The following CATSPER3 variants were observed in gnomAD, a reference collection of about 807,000 sequenced individuals.
The protein encoded by CATSPER3 is cation channel sperm associated 3, also known as cation channel sperm-associated protein 3.
CATSPER3 carries 23 observed loss-of-function variants against 36.6 expected under a neutral mutation model. The ratio of observed to expected loss-of-function variants is 0.63; its 90% CI spans 0.45 to 0.89. The LOEUF (loss-of-function observed/expected upper bound fraction) is 0.89, where lower values mean the gene tolerates loss of function less well. CATSPER3 is among the 40% of genes least tolerant of loss of function. CATSPER3 has a pLI of 0.00. For synonymous variants in CATSPER3, 172 were observed against 184.1 expected (o/e 0.93, Z 0.53); for missense variants, 474 against 503.9 (o/e 0.94, Z 0.57).
chr5:134,982,162 G>A (rs1236879189), intron 2 of CATSPER3, among the ~76,000 whole-genome samples: 1 of 152,030 alleles, frequency 6.6e-6, no homozygotes, highest in African/African-American at 2.4e-5. Context: ...TTGAGAAGCA[G>A]AAAGAAAAAA....
chr5:135,008,842 T>G lies in CATSPER3; in HGVS notation c.677T>G (p.Val226Gly), dbSNP rs773927198. The change falls in exon 5 of 8, where the codon GTT becomes GGT. Residue 226 changes from valine (V) to glycine (G), a missense_variant and splice_region_variant. Physicochemically the swap from Val to Gly is moderately radical, Grantham distance 109. Transcript: ENST00000282611. Reference protein sequence around the residue: ...AFFTLFSLATVDGWTDLQKQL... With the variant: ...AFFTLFSLATGDGWTDLQKQL... Reference sequence around the variant, plus strand: ...GCATACTCTTCCCTGCCTGAGCAGGTTGATGGCTGGACAGACCTGCAGAAG... The same window carrying G: ...GCATACTCTTCCCTGCCTGAGCAGGGTGATGGCTGGACAGACCTGCAGAAG... 6.2e-7 allele frequency: 1 copy of G among 1,614,102 alleles called. No homozygotes were observed. The highest frequency in any genetic ancestry group is 8.5e-7 in the Non-Finnish European group (1 of 1,180,006).
chr5:135,006,096 T>G (rs1752082557), intron 3 of CATSPER3, among the ~76,000 whole-genome samples: 1 of 152,158 alleles, frequency 6.6e-6, no homozygotes, highest in African/African-American at 2.4e-5. Context: ...AACTTAGAAC[T>G]TCCTCAGGAG....
At chr5:134,976,258 G>A (rs867168249) in intron 2 of CATSPER3, among the ~76,000 whole-genome samples, 1 of 152,158 alleles carries the variant, frequency 6.6e-6, no homozygotes, top group Non-Finnish European at 1.5e-5. Flanking sequence ...GCTTGAGCCT[G>A]AGTGATGATC....
intron 2 of CATSPER3, among the ~76,000 whole-genome samples, chr5:134,984,733 G>C (rs974340109): frequency 6.6e-6 from 1 of 151,842 alleles, no homozygotes; most frequent in Non-Finnish European, 1.5e-5. Flanking sequence ...AAGAACTAAA[G>C]GTGTATCTAC....
At position 135,001,863 on chromosome 5, in the gene CATSPER3, C is replaced by T. The variant is rs1357846144; in HGVS notation, c.492+5351C>T. Among the ~76,000 whole-genome samples the T allele has an allele frequency of 6.6e-5, 10 of 152,220 alleles. No individual in the cohort carries two copies. The East Asian group carries it at 1.7e-3, about 26-fold the overall frequency. The stretch of plus-strand genomic sequence containing the variant: ...TTTTGAGCCTATGTGTGTCTCTGCA[C>T]GTGAGATGGGTCTCCTGAATACAGC... On this transcript the variant is annotated intron_variant, in intron 3 of 7. Transcript: ENST00000282611.
chr5:134,995,277 C>A (rs914755864), intron 2 of CATSPER3, among the ~76,000 whole-genome samples: 1 of 152,126 alleles, frequency 6.6e-6, no homozygotes, highest in African/African-American at 2.4e-5. Flanking sequence ...ACCAACCTCT[C>A]TTCATCCCCT....
chr5:134,969,817 T>A (rs1031103396), intron 1 of CATSPER3, 122 bp from the exon 2 acceptor site: 9 of 970,648 alleles, frequency 9.3e-6, no homozygotes, highest in Admixed American at 1.7e-5. Flanking sequence ...TTTAAAAGTA[T>A]ATGTAAATTT....
At chr5:135,004,003 C>T (rs992687287) in intron 3 of CATSPER3, among the ~76,000 whole-genome samples, 8 of 152,218 alleles carry the variant, frequency 5.3e-5, no homozygotes, top group African/African-American at 1.7e-4. Flanking sequence ...GAACTCAGTA[C>T]CTCAGTTGGA....
chr5:134,986,604 G>A (rs2149548498), intron 2 of CATSPER3, among the ~76,000 whole-genome samples: 1 of 151,714 alleles, frequency 6.6e-6, no homozygotes, highest in Non-Finnish European at 1.5e-5. Context: ...TAGGATTACA[G>A]GTGCATGCCA....
chr5:135,006,943 G>A (rs1752096328), intron 3 of CATSPER3, among the ~76,000 whole-genome samples: 1 of 152,070 alleles, frequency 6.6e-6, no homozygotes, highest in Admixed American at 6.5e-5. Context: ...GAGGCATCTG[G>A]TGTGCATTCA....
At chr5:135,008,746 C>T in intron 4 of CATSPER3, 95 bp from the exon 5 acceptor site, 1 of 1,081,374 alleles carries the variant, frequency 9.2e-7, no homozygotes, top group South Asian at 1.3e-5. Context: ...AGCCACCCTT[C>T]TCCTCAGTGG....
chr5:134,970,110 G>A lies in CATSPER3; in HGVS notation c.252+18G>A. ...TTCTTGAGGTAAGCAGACAAAATGG[G>A]TCCATTTTCTTCTTTTTTTAAAACA... On this transcript the variant is annotated intron_variant, in intron 2 of 7. Coordinates refer to ENST00000282611, the MANE Select transcript of CATSPER3 (RefSeq NM_178019.3). 6.2e-7 allele frequency: 1 copy of A among 1,610,044 alleles called. No homozygotes were observed. The highest frequency in any genetic ancestry group is 1.1e-5 in the South Asian group (1 of 90,918).
At chr5:134,986,844 C>T (rs1751817838) in intron 2 of CATSPER3, among the ~76,000 whole-genome samples, 1 of 152,104 alleles carries the variant, frequency 6.6e-6, no homozygotes, top group African/African-American at 2.4e-5. Context: ...AAAAACATAA[C>T]AAAACTCATA....
rs769830975 is a variant in CATSPER3, at chr5:135,010,523, G to A, written c.1087G>A (p.Val363Ile). The change falls in exon 7 of 8, where the codon GTC becomes ATC. Residue 363 changes from valine (V) to isoleucine (I), a missense_variant. Val to Ile is a conservative substitution (Grantham distance 29). Coordinates refer to ENST00000282611, the MANE Select transcript of CATSPER3 (RefSeq NM_178019.3). ...CACTCTGGACTACCAGGACACAACT[G>A]TCCACAAGTCAGTTCCAGCCCCAGC... ...FSTLDYQDTTVHKLQELYYEI... is the reference protein window; with the variant it reads ...FSTLDYQDTTIHKLQELYYEI... 5 of 1,614,076 alleles carry A rather than the reference G, an allele frequency of 3.1e-6. No homozygotes were observed. In the South Asian group the frequency reaches 5.5e-5, roughly 18 times the overall value.
At position 134,996,448 on chromosome 5, in the gene CATSPER3, A is replaced by G; in HGVS notation, c.428A>G (p.Tyr143Cys). The G allele has an allele frequency of 6.2e-7, 1 of 1,614,182 alleles. No homozygotes were observed. Among genetic ancestry groups the G allele is most frequent in the Non-Finnish European group, 8.5e-7 (1 of 1,179,978 alleles). ...QLMGKQFTYL[Y>C]IADGMQSLRI... ...ATGGGCAAACAGTTCACTTACCTGT[A>G]TATCGCTGATGGCATGCAGTCCCTG... is the stretch of plus-strand genomic sequence containing the variant. The change falls in exon 3 of 8, where the codon TAT becomes TGT. Residue 143 changes from tyrosine (Y) to cysteine (C), a missense_variant. By Grantham distance (194) the Tyr-to-Cys change is radical. Transcript: ENST00000282611.
chr5:135,007,930 G>A (rs1342775325), intron 3 of CATSPER3, 27 bp from the exon 4 acceptor site: 5 of 1,609,934 alleles, frequency 3.1e-6, no homozygotes, highest in Non-Finnish European at 4.2e-6. Context: ...TGGTACCCTC[G>A]CCTACCACAG....
At chr5:134,980,598 T>C (rs1202896356) in intron 2 of CATSPER3, among the ~76,000 whole-genome samples, 1 of 151,754 alleles carries the variant, frequency 6.6e-6, no homozygotes, top group Non-Finnish European at 1.5e-5. Context: ...ACCCAGCTAA[T>C]TTTTGTATTT....
chr5:134,986,856 G>C (rs1751818195), intron 2 of CATSPER3, among the ~76,000 whole-genome samples: 1 of 152,146 alleles, frequency 6.6e-6, no homozygotes, highest in African/African-American at 2.4e-5. Context: ...AAACTCATAG[G>C]ATGCAGTGAA....
At chr5:134,979,984 T>C (rs1751730723) in intron 2 of CATSPER3, among the ~76,000 whole-genome samples, 1 of 128,242 alleles carries the variant, frequency 7.8e-6, no homozygotes, top group South Asian at 2.8e-4. Context: ...CTTCCCTCCT[T>C]TTCTTCTTTC....
Sources: gnomAD v4.1 joint callset for allele counts (sites outside exome capture counted in the v4.1 genomes callset) on GRCh38, gnomAD v4.1.1 for gene constraint, MANE v1.5 for transcripts, NCBI Gene and HGNC (gene_info 2026-07-23, HGNC 2026-07-21) for gene names.